The following HAPLN1 variants were observed in gnomAD, a reference collection of about 807,000 sequenced individuals.
The protein encoded by HAPLN1 is Cartilage link protein.
Under a neutral mutation model 36.5 loss-of-function variants are expected in HAPLN1, and 13 were observed. That is an observed-to-expected ratio of 0.36 (90% CI 0.23 to 0.57). The LOEUF is 0.57. Ranked by LOEUF, HAPLN1 falls within the 20% of genes least tolerant of loss-of-function variation. The pLI is 0.83. For missense variants in HAPLN1, 407 were observed against 439.7 expected (o/e 0.93, Z 0.66); for synonymous variants, 202 against 169.8 (o/e 1.19, Z -1.48).
rs145929014 is a variant in HAPLN1 at position 83,697,729 on chromosome 5, C to T, written c.-27+23060G>A. ...TGTATGCCTTTTTCATTATAGCCAT[C>T]CTAGTGGGTATGAAGTGATATCTCA... On this transcript the variant is annotated intron_variant, in intron 1 of 4. Coordinates refer to ENST00000274341, the MANE Select transcript of HAPLN1 (RefSeq NM_001884.4). Among the ~76,000 whole-genome samples the T allele has an allele frequency of 3.6e-3, 547 of 152,138 alleles. 1 individual carries two copies. Among genetic ancestry groups the T allele is most frequent in the Middle Eastern group, 0.02 (6 of 294 alleles).
intron 1 of HAPLN1, among the ~76,000 whole-genome samples, chr5:83,688,812 CT>C (rs2112617468): frequency 6.6e-6 from 1 of 152,092 alleles, no homozygotes; most frequent in East Asian, 1.9e-4. Flanking sequence ...CTATCACCCT[CT>C]GCTATGTACA....
chr5:83,705,977 C>T (rs1347364428), intron 1 of HAPLN1, among the ~76,000 whole-genome samples: 2 of 151,688 alleles, frequency 1.3e-5, no homozygotes, highest in East Asian at 3.9e-4. Context: ...ACTAGAAAAC[C>T]TAGAAAAGAT....
chr5:83,688,240 T>C (rs1303245562), intron 1 of HAPLN1, among the ~76,000 whole-genome samples: 1 of 152,180 alleles, frequency 6.6e-6, no homozygotes, highest in Non-Finnish European at 1.5e-5. Flanking sequence ...TTTTCTATAG[T>C]GTACATTTTA....
At chr5:83,714,195 C>A (rs1751861922) in intron 1 of HAPLN1, among the ~76,000 whole-genome samples, 1 of 152,064 alleles carries the variant, frequency 6.6e-6, no homozygotes, top group Non-Finnish European at 1.5e-5. Context: ...AGGCTAATGA[C>A]CCCTCTCCTC....
chr5:83,642,422 A>G (rs987624612), intron 4 of HAPLN1, among the ~76,000 whole-genome samples: 7 of 152,164 alleles, frequency 4.6e-5, no homozygotes, highest in African/African-American at 1.7e-4. Context: ...ATTTTTTTCA[A>G]CTTCCATTTG....
At chr5:83,704,308 T>G (rs556596136) in intron 1 of HAPLN1, among the ~76,000 whole-genome samples, 1 of 152,196 alleles carries the variant, frequency 6.6e-6, no homozygotes, top group East Asian at 1.9e-4. Context: ...AAAGCACACT[T>G]AAATATACAG....
chr5:83,669,389 C>T (rs1252694636), intron 2 of HAPLN1, among the ~76,000 whole-genome samples: 1 of 152,030 alleles, frequency 6.6e-6, no homozygotes, highest in Non-Finnish European at 1.5e-5. Context: ...ATCCCAGCTA[C>T]TTAGGAGGCT....
Position 83,679,405 on chromosome 5 carries a change from G to A in HAPLN1, c.-26-5856C>T, listed in dbSNP as rs199938627. Among the ~76,000 whole-genome samples, 11 of 152,050 alleles carry A rather than the reference G, an allele frequency of 7.2e-5. No individual in the cohort carries two copies. In the East Asian group the frequency reaches 1.9e-3, roughly 27 times the overall value. ...AAAATTTATATTCCTTTTTCTCCTC[G>A]ATGTTTTGAAATCAGTCTATTTCTA... On this transcript the variant is annotated intron_variant, in intron 1 of 4. Coordinates refer to ENST00000274341, the MANE Select transcript of HAPLN1 (RefSeq NM_001884.4).
intron 1 of HAPLN1, among the ~76,000 whole-genome samples, chr5:83,692,177 A>G (rs2112621041): frequency 6.6e-6 from 1 of 152,022 alleles, no homozygotes; most frequent in Admixed American, 6.6e-5. Context: ...AAACATACGT[A>G]ATTGGAGTCT....
At chr5:83,649,356 A>G (rs569178744) in intron 3 of HAPLN1, among the ~76,000 whole-genome samples, 2 of 152,054 alleles carry the variant, frequency 1.3e-5, no homozygotes, top group Non-Finnish European at 2.9e-5. Flanking sequence ...TCTCTCTCTT[A>G]TCTATGATGC....
At chr5:83,660,557 A>C (rs1750357328) in intron 2 of HAPLN1, among the ~76,000 whole-genome samples, 1 of 152,118 alleles carries the variant, frequency 6.6e-6, no homozygotes, top group African/African-American at 2.4e-5. Context: ...TGAGATGTAC[A>C]CCAGAAACTC....
intron 2 of HAPLN1, among the ~76,000 whole-genome samples, chr5:83,657,732 G>T (rs1162686520): frequency 6.6e-6 from 1 of 151,588 alleles, no homozygotes; most frequent in Non-Finnish European, 1.5e-5. Flanking sequence ...CAGGCTTGAT[G>T]TTGGTTACTT....
Position 83,639,380 on chromosome 5 carries a change from G to C in HAPLN1, c.*2116C>G, listed in dbSNP as rs1426356476. ...TTGATCAGCACCAATTCCTATAGTA[G>C]TAAGTATTTAAAAGTTAAGAAATAC... On this transcript the variant is annotated 3_prime_UTR_variant, in exon 5 of 5. Transcript: ENST00000274341. 2 of 152,012 alleles carry C rather than the reference G, an allele frequency of 1.3e-5. No individual in the cohort carries two copies. Among genetic ancestry groups the C allele is most frequent in the Non-Finnish European group, 2.9e-5 (2 of 67,910 alleles). 9.4% of individuals were successfully genotyped at this position (152,012 alleles called of 1,614,324 possible).
Position 83,641,711 on chromosome 5 carries a change from C to T in HAPLN1, c.850G>A (p.Ala284Thr), listed in dbSNP as rs1228903754. The T allele has an allele frequency of 6.2e-7, 1 of 1,614,032 alleles. No individual in the cohort carries two copies. The highest frequency in any genetic ancestry group is 2.2e-5 in the East Asian group (1 of 44,890). The change falls in exon 5 of 5, where the codon GCT (alanine) becomes ACT (threonine). Residue 284 changes from alanine (A) to threonine (T), a missense_variant. By Grantham distance (58) the Ala-to-Thr change is moderately conservative. Coordinates refer to ENST00000274341, the MANE Select transcript of HAPLN1 (RefSeq NM_001884.4). ...ATCTGGCCCACTTTTGCAATCTGAG[C>T]ACCATCATTGAGACAAGCTTGCACC... The part of the protein sequence containing the change: ...EAVQACLNDG[A>T]QIAKVGQIFA...
chr5:83,697,298 G>GCTGGC (rs1751410651), intron 1 of HAPLN1, among the ~76,000 whole-genome samples: 1 of 152,034 alleles, frequency 6.6e-6, no homozygotes, highest in Non-Finnish European at 1.5e-5. Context: ...ATAATTTGTG[G>GCTGGC]TCCTTTTATG....
At chr5:83,670,514 A>G (rs967584064) in intron 2 of HAPLN1, among the ~76,000 whole-genome samples, 16 of 152,368 alleles carry the variant, frequency 1.1e-4, no homozygotes, top group Non-Finnish European at 1.6e-4. Context: ...ATGAAAAATT[A>G]AAGGAAATGG....
At chr5:83,687,853 A>G (rs1751169449) in intron 1 of HAPLN1, among the ~76,000 whole-genome samples, 1 of 152,188 alleles carries the variant, frequency 6.6e-6, no homozygotes, top group South Asian at 2.1e-4. Flanking sequence ...AAATGCATTT[A>G]TATAGAACAT....
intron 1 of HAPLN1, among the ~76,000 whole-genome samples, chr5:83,707,364 T>C (rs367661265): frequency 3.3e-5 from 5 of 152,138 alleles, no homozygotes; most frequent in African/African-American, 9.7e-5. Flanking sequence ...CAAAACAGCA[T>C]AGTATTGGTA....
intron 1 of HAPLN1, among the ~76,000 whole-genome samples, chr5:83,677,416 G>T (rs139330782): frequency 8.3e-4 from 127 of 152,258 alleles, no homozygotes; most frequent in African/African-American, 3.0e-3. Context: ...CATGCAAGCT[G>T]GAATTTTCCT....
Sources: gnomAD v4.1 joint callset for allele counts (sites outside exome capture counted in the v4.1 genomes callset) on GRCh38, gnomAD v4.1.1 for gene constraint, MANE v1.5 for transcripts, NCBI Gene and HGNC (gene_info 2026-07-23, HGNC 2026-07-21) for gene names.